Variants in IPCEF1 observed in about 807,000 individuals in gnomAD.
The protein encoded by IPCEF1 is interaction protein for cytohesin exchange factors 1, also known as interactor protein for cytohesin exchange factors 1.
A neutral mutation model predicts 50.9 loss-of-function variants in IPCEF1; 31 were observed. The ratio of observed to expected loss-of-function variants is 0.61; its 90% confidence interval spans 0.46 to 0.82. IPCEF1 has a LOEUF of 0.82. Ranked by LOEUF, IPCEF1 falls within the 40% of genes least tolerant of loss-of-function variation. The pLI, the probability that IPCEF1 is intolerant of heterozygous loss-of-function variation, is 0.00. For missense variants in IPCEF1, 458 were observed against 514.0 expected (o/e 0.89, Z 1.05); for synonymous variants, 181 against 192.0 (o/e 0.94, Z 0.47).
chr6:154,291,139 G>A (rs7769015), intron 1 of IPCEF1, among the ~76,000 whole-genome samples: 2,614 of 152,060 alleles, frequency 0.017, 91 homozygotes, highest in African/African-American at 0.058. Flanking sequence ...TGATCCACCC[G>A]TCTCGGCCTC....
At chr6:154,332,475 G>T (rs1209388760) in intron 1 of IPCEF1, among the ~76,000 whole-genome samples, 1 of 152,028 alleles carries the variant, frequency 6.6e-6, no homozygotes, top group Non-Finnish European at 1.5e-5. Context: ...GGTAGTTTAA[G>T]TCTATATGTG....
At chr6:154,274,642 G>A (rs1375521631) in intron 2 of IPCEF1, among the ~76,000 whole-genome samples, 1 of 152,174 alleles carries the variant, frequency 6.6e-6, no homozygotes, top group Non-Finnish European at 1.5e-5. Flanking sequence ...AACTACAGGG[G>A]TCTCTTGTCC....
chr6:154,242,850 T>C (rs1013443317), intron 5 of IPCEF1, among the ~76,000 whole-genome samples: 2 of 151,512 alleles, frequency 1.3e-5, no homozygotes, highest in Non-Finnish European at 2.9e-5. Flanking sequence ...ATAACACCAT[T>C]GTACTCCAGC....
At chr6:154,173,817 G>A (rs1800071289) in intron 10 of IPCEF1, among the ~76,000 whole-genome samples, 1 of 152,152 alleles carries the variant, frequency 6.6e-6, no homozygotes, top group Admixed American at 6.5e-5. Flanking sequence ...AGGAAATACA[G>A]AGAACGCCAC....
chr6:154,267,685 T>C (rs992193509), intron 2 of IPCEF1, among the ~76,000 whole-genome samples: 18 of 152,276 alleles, frequency 1.2e-4, no homozygotes, highest in African/African-American at 3.6e-4. Context: ...GGTCGTCCCA[T>C]GGAGTGTTCA....
At chr6:154,206,167 C>T (rs2128598732) in intron 9 of IPCEF1, among the ~76,000 whole-genome samples, 1 of 152,226 alleles carries the variant, frequency 6.6e-6, no homozygotes, top group African/African-American at 2.4e-5. Flanking sequence ...AAGTGATATC[C>T]CATAAAGAAT....
chr6:154,313,074 A>AAAAAAC (rs1197944038), intron 1 of IPCEF1, among the ~76,000 whole-genome samples: 5 of 149,120 alleles, frequency 3.4e-5, no homozygotes, highest in Admixed American at 2.0e-4. Flanking sequence ...TCTCAAAAAA[A>AAAAAAC]AAAAAAAAAA....
At chr6:154,199,422 A>G (rs2128590985) in intron 10 of IPCEF1, among the ~76,000 whole-genome samples, 1 of 152,336 alleles carries the variant, frequency 6.6e-6, no homozygotes, top group South Asian at 2.1e-4. Flanking sequence ...TTATTTTATG[A>G]TCACATGTCT....
rs549358102 is a variant in IPCEF1, at chr6:154,314,037, C to T, written c.-61-24281G>A. On this transcript the variant is annotated intron_variant, in intron 1 of 11. Coordinates refer to ENST00000367220, the MANE Select transcript of IPCEF1 (RefSeq NM_001130700.2). Reference sequence around the variant, plus strand: ...TGCTGGGATTACAGGTGTGAGCCACCATGCCCAGACATCTTCTGGTTCTGT... The same window carrying T: ...TGCTGGGATTACAGGTGTGAGCCACTATGCCCAGACATCTTCTGGTTCTGT... Among the ~76,000 whole-genome samples the T allele has an allele frequency of 5.3e-5, 8 of 152,216 alleles. No individual in the cohort carries two copies. In the South Asian group the frequency reaches 1.7e-3, roughly 32 times the overall value.
chr6:154,258,923 A>T (rs1781526097), intron 3 of IPCEF1, among the ~76,000 whole-genome samples: 1 of 152,244 alleles, frequency 6.6e-6, no homozygotes, highest in African/African-American at 2.4e-5. Context: ...AATATTTAAC[A>T]AAAAGTTTTA....
chr6:154,199,587 CTT>C, intron 10 of IPCEF1, 79 bp downstream of exon 10: 1 of 1,402,836 alleles, frequency 7.1e-7, no homozygotes, highest in South Asian at 1.4e-5. Context: ...TTTAACCATT[CTT>C]GTTACAAATT....
intron 1 of IPCEF1, among the ~76,000 whole-genome samples, chr6:154,321,122 G>A (rs1303564567): frequency 6.6e-6 from 1 of 151,564 alleles, no homozygotes; most frequent in East Asian, 1.9e-4. Flanking sequence ...GTAGCGACGG[G>A]GTTTCTCTGT....
At chr6:154,247,959 T>C (rs1283944978) in intron 3 of IPCEF1, among the ~76,000 whole-genome samples, 1 of 152,224 alleles carries the variant, frequency 6.6e-6, no homozygotes, top group Non-Finnish European at 1.5e-5. Flanking sequence ...CAGCTCATAG[T>C]CCTGCTACCA....
At chr6:154,338,757 A>G (rs1033321867) in intron 1 of IPCEF1, among the ~76,000 whole-genome samples, 2 of 152,076 alleles carry the variant, frequency 1.3e-5, no homozygotes, top group African/African-American at 2.4e-5. Context: ...CTTGTCTCCA[A>G]AAAACATACA....
intron 1 of IPCEF1, among the ~76,000 whole-genome samples, chr6:154,351,527 C>T (rs192038906): frequency 1.9e-3 from 292 of 152,244 alleles, no homozygotes; most frequent in Non-Finnish European, 3.2e-3. Flanking sequence ...TTCACTTGGG[C>T]GATTTTAAAG....
At chr6:154,302,975 C>T (rs1450565200) in intron 1 of IPCEF1, among the ~76,000 whole-genome samples, 1 of 152,130 alleles carries the variant, frequency 6.6e-6, no homozygotes, top group Non-Finnish European at 1.5e-5. Flanking sequence ...ATATGGATCA[C>T]CATCACTACT....
chr6:154,195,656 C>G (rs1776556154), intron 10 of IPCEF1, among the ~76,000 whole-genome samples: 2 of 152,136 alleles, frequency 1.3e-5, no homozygotes, highest in Admixed American at 1.3e-4. Context: ...TCTTTTAAAC[C>G]TCTCTCTGGA....
intron 1 of IPCEF1, among the ~76,000 whole-genome samples, chr6:154,292,413 T>C (rs1011567479): frequency 6.6e-6 from 1 of 152,220 alleles, no homozygotes; most frequent in Non-Finnish European, 1.5e-5. Context: ...AATGCTTTGA[T>C]ATGGATTAAT....
chr6:154,277,433 T>C (rs1158987529), intron 2 of IPCEF1, among the ~76,000 whole-genome samples: 1 of 152,204 alleles, frequency 6.6e-6, no homozygotes, highest in Non-Finnish European at 1.5e-5. Flanking sequence ...TCATAACATG[T>C]ATGCAAAGAG....
Sources: gnomAD v4.1 joint callset for allele counts (sites outside exome capture counted in the v4.1 genomes callset) on GRCh38, gnomAD v4.1.1 for gene constraint, MANE v1.5 for transcripts, NCBI Gene and HGNC (gene_info 2026-07-23, HGNC 2026-07-21) for gene names.